Variants in KNOP1 observed in about 807,000 individuals in gnomAD.
KNOP1 encodes lysine rich nucleolar protein 1, also known as lysine-rich nucleolar protein 1.
Under a neutral mutation model 30.6 loss-of-function variants are expected in KNOP1, and 20 were observed. The ratio of observed to expected loss-of-function variants is 0.65; its 90% CI spans 0.46 to 0.95. The LOEUF (loss-of-function observed/expected upper bound fraction) is 0.95, where lower values mean the gene tolerates loss of function less well. Ranked by LOEUF, KNOP1 falls within the 40% of genes least tolerant of loss-of-function variation. The pLI is 0.00. For missense variants in KNOP1, 540 were observed against 562.0 expected (o/e 0.96, Z 0.40); for synonymous variants, 204 against 210.0 (o/e 0.97, Z 0.25).
chr16:19,706,798 C>A lies in KNOP1; in HGVS notation c.*112G>T. ...TATGGGAGTTATTTATATCTTACTG[C>A]TCGAGGTCCTCACCAAGATCTGATT... is the stretch of plus-strand genomic sequence containing the variant. On this transcript the variant is annotated 3_prime_UTR_variant, in exon 5 of 5. Coordinates refer to ENST00000219837, the MANE Select transcript of KNOP1 (RefSeq NM_001012991.3). 9.2e-7 allele frequency: 1 copy of A among 1,087,304 alleles called. No homozygotes were observed. The highest frequency in any genetic ancestry group is 1.4e-6 in the Non-Finnish European group (1 of 734,480). 67.4% of individuals were successfully genotyped at this position (1,087,304 alleles called of 1,614,324 possible).
chr16:19,716,851 A>T (rs954634861), intron 1 of KNOP1, among the ~76,000 whole-genome samples: 5 of 152,088 alleles, frequency 3.3e-5, no homozygotes, highest in Non-Finnish European at 7.4e-5. Context: ...TACTGCACCT[A>T]ATTTTTTGTG....
intron 1 of KNOP1, chr16:19,717,845 C>G: frequency 1.9e-6 from 2 of 1,044,476 alleles, no homozygotes; most frequent in Non-Finnish European, 2.3e-6. Flanking sequence ...AGCAACACCC[C>G]ACTCCCCCGG....
chr16:19,714,205 C>T lies in KNOP1; in HGVS notation c.831G>A (p.Glu277=). ...GAGCTGGCTCCTCGATGACTGGCTG[C>T]TCTACCTTCTTTTTGGACTTCATCT... ...KKKMKSKKKV[E]QPVIEEPALK... The change falls in exon 2 of 5, where the codon GAG becomes GAA. Residue 277 remains glutamate (E), a synonymous_variant. Transcript: ENST00000219837. 2 of 1,614,098 alleles carry T rather than the reference C, an allele frequency of 1.2e-6. No homozygotes were observed.
chr16:19,710,459 C>A (rs201704529), intron 4 of KNOP1, 50 bp downstream of exon 4: 2 of 1,581,916 alleles, frequency 1.3e-6, no homozygotes, highest in Admixed American at 1.7e-5. Flanking sequence ...GGGGAAGCGT[C>A]GGGAGGCCGA....
intron 4 of KNOP1, among the ~76,000 whole-genome samples, chr16:19,709,672 G>A (rs765768275): frequency 4.0e-5 from 6 of 151,810 alleles, no homozygotes; most frequent in Non-Finnish European, 7.4e-5. Flanking sequence ...GGTCTGCACC[G>A]GCCACTGGCC....
rs751240167 is a variant in KNOP1, at chr16:19,714,890, G to A, written c.146C>T (p.Pro49Leu). ...ADVSPLRATSPSKSVAHGQAP... is the reference protein window; with the variant it reads ...ADVSPLRATSLSKSVAHGQAP... ...CTGCCCATGGGCCACACTCTTAGAG[G>A]GGGATGTAGCTCTTAAAGGAGAAAC... The change falls in exon 2 of 5, where the codon CCC becomes CTC. Residue 49 changes from proline (P) to leucine (L), a missense_variant. Coordinates refer to ENST00000219837, the MANE Select transcript of KNOP1 (RefSeq NM_001012991.3). 4.1e-5 allele frequency: 66 copies of A among 1,613,708 alleles called. 1 individual carries two copies. Among genetic ancestry groups the A allele is most frequent in the Non-Finnish European group, 5.6e-5 (66 of 1,179,962 alleles).
At position 19,707,051 on chromosome 16, in the gene KNOP1, C is replaced by A; in HGVS notation, c.1236G>T (p.Leu412=). 6.2e-7 allele frequency: 1 copy of A among 1,614,144 alleles called. No homozygotes were observed. The highest frequency in any genetic ancestry group is 8.5e-7 in the Non-Finnish European group (1 of 1,180,028). The part of the protein sequence containing the change: ...MALGKKAADS[L]QQNLQRDYDR... ...CGTAGTCCCGCTGCAGATTCTGCTGCAGGCTGTCAGCCGCCTTCTTGCCGA... is the reference window on the plus strand; with the variant it reads ...CGTAGTCCCGCTGCAGATTCTGCTGAAGGCTGTCAGCCGCCTTCTTGCCGA... The change falls in exon 5 of 5, where the codon CTG becomes CTT. Residue 412 remains leucine, a synonymous_variant. Transcript: ENST00000219837.
chr16:19,715,267 A>G, intron 1 of KNOP1: 2 of 403,474 alleles, frequency 5.0e-6, no homozygotes, highest in Admixed American at 4.2e-5. Flanking sequence ...CCTTAAGTAA[A>G]TCAGCTAACC....
rs1976241298 is a variant in KNOP1, at chr16:19,703,440, T to C, written c.*3470A>G. On this transcript the variant is annotated 3_prime_UTR_variant, in exon 5 of 5. Coordinates refer to ENST00000219837, the MANE Select transcript of KNOP1 (RefSeq NM_001012991.3). ...ATCCTCTTCCTGTTTTAAGGTCAGCTGATTAGCAAACTTAATTCCCTTTTG... is the reference window on the plus strand; with the variant it reads ...ATCCTCTTCCTGTTTTAAGGTCAGCCGATTAGCAAACTTAATTCCCTTTTG... 1 of 152,192 alleles carries C rather than the reference T, an allele frequency of 6.6e-6. No individual in the cohort carries two copies. Among genetic ancestry groups the C allele is most frequent in the African/African-American group, 2.4e-5 (1 of 41,444 alleles). 9.4% of individuals were successfully genotyped at this position (152,192 alleles called of 1,614,324 possible). A position where few individuals can be genotyped will look rare whatever the true frequency, so the allele number is the denominator to read the frequency against.
intron 1 of KNOP1, among the ~76,000 whole-genome samples, chr16:19,716,727 T>G (rs1977119159): frequency 6.6e-6 from 1 of 152,218 alleles, no homozygotes; most frequent in South Asian, 2.1e-4. Context: ...CCAAAATAGG[T>G]GAGCACAGTA....
rs1412963411 is a variant in KNOP1, at chr16:19,714,155, CTCT to C, written c.878_880del (p.Lys293del). The C allele has an allele frequency of 3.1e-6, 5 of 1,613,248 alleles. No homozygotes were observed. Among genetic ancestry groups the C allele is most frequent in the African/African-American group, 2.7e-5 (2 of 74,720 alleles). On this transcript the variant is annotated inframe_deletion, in exon 2 of 5. Coordinates refer to ENST00000219837, the MANE Select transcript of KNOP1 (RefSeq NM_001012991.3). Reference sequence around the variant, plus strand: ...GTCTCCTGCTACCCCACTCTCTTTCCTCTTCTTCTTTTTCTTCCTTTTCAGAGC... The same window carrying C: ...GTCTCCTGCTACCCCACTCTCTTTCCTCTTCTTTTTCTTCCTTTTCAGAGC...
intron 2 of KNOP1, among the ~76,000 whole-genome samples, 195 bp from the exon 3 acceptor site, chr16:19,711,635 A>G (rs1976727967): frequency 6.6e-6 from 1 of 152,116 alleles, no homozygotes; most frequent in Admixed American, 6.5e-5. Flanking sequence ...TTCTCCCGCA[A>G]AACAGTAGTA....
intron 2 of KNOP1, among the ~76,000 whole-genome samples, chr16:19,712,432 G>A (rs1197753756): frequency 6.6e-6 from 1 of 152,210 alleles, no homozygotes; most frequent in Non-Finnish European, 1.5e-5. Context: ...CTAATGGAAA[G>A]ATGGTCATTT....
In KNOP1 at chr16:19,714,411, TGTG is replaced by T; in HGVS notation, c.622_624del (p.His208del). 1.2e-6 allele frequency: 2 copies of T among 1,613,878 alleles called. No homozygotes were observed. Among genetic ancestry groups the T allele is most frequent in the Non-Finnish European group, 8.5e-7 (1 of 1,179,972 alleles). Reference sequence around the variant, plus strand: ...TTTTTTTTCTTCTTCACCTTCCCATTGTGTTCTCTGGGGCTCTTCCGCTTCCGT... The same window carrying T: ...TTTTTTTTCTTCTTCACCTTCCCATTTTCTCTGGGGCTCTTCCGCTTCCGT... On this transcript the variant is annotated inframe_deletion, in exon 2 of 5. Transcript: ENST00000219837.
At position 19,714,340 on chromosome 16, in the gene KNOP1, G is replaced by A. The variant is rs28637690; in HGVS notation, c.696C>T (p.Ser232=). ...TCCTAGGGCTGCTCTCCATGGACCT[G>A]GAGGGCTTGGAGTGGCCTGGGAGGG... ...GDALPGHSKP[S]RSMESSPRKG... Residue 232 remains serine (S), a synonymous_variant, in exon 2 of 5, where the codon TCC becomes TCT. Coordinates refer to ENST00000219837, the MANE Select transcript of KNOP1 (RefSeq NM_001012991.3). 2.4e-3 allele frequency: 3,856 copies of A among 1,613,960 alleles called. 70 individuals carry two copies. In the African/African-American group the frequency reaches 0.044, roughly 18 times the overall value.
In KNOP1 at chr16:19,705,257, G is replaced by A; in HGVS notation, c.*1653C>T. 1 of 456,082 alleles carries A rather than the reference G, an allele frequency of 2.2e-6. No homozygotes were observed. The allele number at this position is 456,082 out of a possible 1,614,324, so 28.3% of individuals were successfully genotyped here. A position where few individuals can be genotyped will look rare whatever the true frequency, so the allele number is the denominator to read the frequency against. ...TCAGGCCTTCCTGCCACGTGAGACT[G>A]AACTTTCTGGCCATCGAGGCCTGCC... On this transcript the variant is annotated 3_prime_UTR_variant, in exon 5 of 5. Coordinates refer to ENST00000219837, the MANE Select transcript of KNOP1 (RefSeq NM_001012991.3).
In KNOP1 at chr16:19,705,358, G is replaced by T; in HGVS notation, c.*1552C>A. On this transcript the variant is annotated 3_prime_UTR_variant, in exon 5 of 5. Coordinates refer to ENST00000219837, the MANE Select transcript of KNOP1 (RefSeq NM_001012991.3). Reference sequence around the variant, plus strand: ...TGTCCCAGTCAGAACCTGTATTTTGGGATGCAAAAAGCTAGGTGAGTGGAA... The same window carrying T: ...TGTCCCAGTCAGAACCTGTATTTTGTGATGCAAAAAGCTAGGTGAGTGGAA... 1 of 422,756 alleles carries T rather than the reference G, an allele frequency of 2.4e-6. No homozygotes were observed. The highest frequency in any genetic ancestry group is 1.7e-5 in the South Asian group (1 of 59,302). The allele number at this position is 422,756 out of a possible 1,614,324, so 26.2% of individuals were successfully genotyped here.
rs538893212 is a variant in KNOP1, at chr16:19,703,572, T to C, written c.*3338A>G. 6.6e-6 allele frequency: 1 copy of C among 152,282 alleles called. No homozygotes were observed. The highest frequency in any genetic ancestry group is 2.4e-5 in the African/African-American group (1 of 41,530). 9.4% of individuals were successfully genotyped at this position (152,282 alleles called of 1,614,324 possible). A position where few individuals can be genotyped will look rare whatever the true frequency, so the allele number is the denominator to read the frequency against. On this transcript the variant is annotated 3_prime_UTR_variant, in exon 5 of 5. Transcript: ENST00000219837. ...TGTGTCTATTTGGCAAATTTTTTTT[T>C]TTTTTTGGAATGGGGTCTTGCTCTG...
chr16:19,710,393 C>A, intron 4 of KNOP1, 116 bp downstream of exon 4: 1 of 987,746 alleles, frequency 1.0e-6, no homozygotes, highest in Non-Finnish European at 1.6e-6. Context: ...GCTAGGGCTG[C>A]CTCTGGGGCC....
Sources: gnomAD v4.1 joint callset for allele counts (sites outside exome capture counted in the v4.1 genomes callset) on GRCh38, gnomAD v4.1.1 for gene constraint, MANE v1.5 for transcripts, NCBI Gene and HGNC (gene_info 2026-07-23, HGNC 2026-07-21) for gene names.